RIN2: variants seen among roughly 807,000 people sequenced by gnomAD.
The protein encoded by RIN2 is Ras and Rab interactor 2.
Under a neutral mutation model 78.0 loss-of-function variants are expected in RIN2, and 36 were observed. The observed-to-expected ratio is 0.46, with a 90% CI of 0.35 to 0.61. RIN2 has a LOEUF of 0.61. RIN2 is among the 20% of genes least tolerant of loss of function. The pLI is 0.00. For missense variants in RIN2, 1,087 were observed against 1,159.7 expected (o/e 0.94, Z 0.91); for synonymous variants, 466 against 466.8 (o/e 1.00, Z 0.02).
intron 2 of RIN2, among the ~76,000 whole-genome samples, chr20:19,813,066 A>G (rs2035653558): frequency 6.6e-6 from 1 of 152,210 alleles, no homozygotes; most frequent in South Asian, 2.1e-4. Context: ...GGAAGAACAC[A>G]GGCACTAGTA....
intron 1 of RIN2, among the ~76,000 whole-genome samples, chr20:19,773,409 T>G (rs1218081138): frequency 6.6e-6 from 1 of 152,220 alleles, no homozygotes; most frequent in African/African-American, 2.4e-5. Context: ...GTGTGACCAG[T>G]GCACACAATC....
chr20:19,842,387 CTTTTTTTTTT>C (rs139642869), intron 2 of RIN2, among the ~76,000 whole-genome samples: 625 of 46,202 alleles, frequency 0.014, 11 homozygotes, highest in African/African-American at 0.041. Flanking sequence ...CCATCCCTGG[CTTTTTTTTTT>C]TTTTTTTTTT....
intron 4 of RIN2, among the ~76,000 whole-genome samples, chr20:19,952,669 G>A (rs2041367144): frequency 6.6e-6 from 1 of 152,126 alleles, no homozygotes; most frequent in South Asian, 2.1e-4. Flanking sequence ...GCCCTTCTAG[G>A]GAAGGAAGAT....
chr20:19,897,701 A>G (rs1213050750), intron 3 of RIN2, among the ~76,000 whole-genome samples: 1 of 150,656 alleles, frequency 6.6e-6, no homozygotes, highest in African/African-American at 2.4e-5. Context: ...CTCTCTCTGC[A>G]GGAACTGTTG....
chr20:19,780,309 T>C (rs996509312), intron 1 of RIN2, among the ~76,000 whole-genome samples: 18 of 152,206 alleles, frequency 1.2e-4, no homozygotes, highest in African/African-American at 4.3e-4. Flanking sequence ...CAGCTTCCGA[T>C]AGTGGTCCCG....
At chr20:19,962,229 T>G (rs1452071809) in intron 6 of RIN2, among the ~76,000 whole-genome samples, 12 of 151,040 alleles carry the variant, frequency 7.9e-5, no homozygotes, top group Admixed American at 7.9e-4. Flanking sequence ...TTAAGTGCAG[T>G]GAGCCGTGAT....
At chr20:19,782,589 T>G (rs2034546933) in intron 1 of RIN2, among the ~76,000 whole-genome samples, 1 of 151,972 alleles carries the variant, frequency 6.6e-6, no homozygotes, top group South Asian at 2.1e-4. Flanking sequence ...TATTAAAATG[T>G]TATTATTGAA....
chr20:19,825,994 ATTTTATTTCAT>A (rs749873303), intron 2 of RIN2, among the ~76,000 whole-genome samples: 20 of 152,324 alleles, frequency 1.3e-4, no homozygotes, highest in Non-Finnish European at 2.4e-4. Flanking sequence ...TTTTGTGATA[ATTTTATTTCAT>A]TTTTCAATTC....
chr20:19,943,275 T>A (rs1376116395), intron 4 of RIN2, among the ~76,000 whole-genome samples: 2 of 152,172 alleles, frequency 1.3e-5, no homozygotes. Flanking sequence ...CCAGAGGAAG[T>A]TCCTGGGCAA....
chr20:19,947,522 A>G (rs904863067), intron 4 of RIN2, among the ~76,000 whole-genome samples: 10 of 152,132 alleles, frequency 6.6e-5, no homozygotes, highest in African/African-American at 1.9e-4. Context: ...CAAAAGTAAT[A>G]TGGAACCTGA....
intron 2 of RIN2, among the ~76,000 whole-genome samples, chr20:19,883,358 T>A (rs1404954829): frequency 2.4e-5 from 3 of 123,556 alleles, no homozygotes; most frequent in South Asian, 2.7e-4. Flanking sequence ...TTTTTTTTTT[T>A]AGACCTGGTC....
chr20:19,989,189 A>G (rs566243430), intron 9 of RIN2, among the ~76,000 whole-genome samples: 1 of 152,140 alleles, frequency 6.6e-6, no homozygotes, highest in South Asian at 2.1e-4. Context: ...TGTCCTTTAT[A>G]GCAAATGAAG....
chr20:19,945,946 G>A (rs771331634), intron 4 of RIN2, among the ~76,000 whole-genome samples: 16 of 152,280 alleles, frequency 1.1e-4, no homozygotes, highest in Non-Finnish European at 1.3e-4. Flanking sequence ...AAACAAGAAC[G>A]CTTTGTCTCC....
intron 4 of RIN2, among the ~76,000 whole-genome samples, chr20:19,940,058 C>T (rs1050005153): frequency 4.6e-5 from 7 of 152,064 alleles, no homozygotes; most frequent in Non-Finnish European, 8.8e-5. Flanking sequence ...CATCATGTTG[C>T]CCAGGCTGGT....
chr20:19,887,178 A>G (rs895620286), intron 2 of RIN2, among the ~76,000 whole-genome samples: 5 of 116,776 alleles, frequency 4.3e-5, no homozygotes, highest in Admixed American at 2.0e-4. Flanking sequence ...CACCATGCCC[A>G]TCTATTTTTT....
intron 3 of RIN2, among the ~76,000 whole-genome samples, chr20:19,891,820 C>T (rs773897145): frequency 6.6e-6 from 1 of 152,094 alleles, no homozygotes; most frequent in African/African-American, 2.4e-5. Context: ...CAGAGCAAGA[C>T]TCCATCTAAA....
chr20:19,904,239 AAATATATATATATATATATAT>A lies in RIN2; in HGVS notation c.57+14584_57+14604del, dbSNP rs1338632021. On this transcript the variant is annotated intron_variant, in intron 3 of 12. Transcript: ENST00000255006. ...AGAATGAGACTTCGTCTCAAAAAAAAAATATATATATATATATATATAAAATATATATATATATTTGCTGGA... is the reference window on the plus strand; with the variant it reads ...AGAATGAGACTTCGTCTCAAAAAAAAAAAATATATATATATATTTGCTGGA... Among the ~76,000 whole-genome samples, 98 of 116,224 alleles carry A rather than the reference AAATATATATATATATATATAT, an allele frequency of 8.4e-4. 1 individual carries two copies. Among genetic ancestry groups the A allele is most frequent in the Admixed American group, 3.7e-3 (44 of 12,034 alleles). The allele number at this position is 116,224 out of a possible 152,430, so 76.2% of individuals were successfully genotyped here. A position where few individuals can be genotyped will look rare whatever the true frequency, so the allele number is the denominator to read the frequency against.
At chr20:19,979,485 T>A (rs199581) in intron 9 of RIN2, among the ~76,000 whole-genome samples, 50,900 of 152,132 alleles carry the variant, frequency 0.33, 9,767 homozygotes, top group Non-Finnish European at 0.44. Context: ...GTTTTTTGTT[T>A]GTTAATAGAG....
In RIN2 at chr20:19,947,022, T is replaced by TAAAA. The variant is rs35136029; in HGVS notation, c.159-9579_159-9576dup. On this transcript the variant is annotated intron_variant, in intron 4 of 12. Transcript: ENST00000255006. ...CTCCAGCCTGGGTGTCAGACTGTCT[T>TAAAA]AAAAAAAAAAAAAAAAAGCAAATTC... Among the ~76,000 whole-genome samples the TAAAA allele has an allele frequency of 2.2e-4, 26 of 116,158 alleles. 1 individual carries two copies. Among genetic ancestry groups the TAAAA allele is most frequent in the African/African-American group, 4.5e-4 (14 of 30,978 alleles). 76.2% of individuals were successfully genotyped at this position (116,158 alleles called of 152,430 possible). A position where few individuals can be genotyped will look rare whatever the true frequency, so the allele number is the denominator to read the frequency against.
Sources: allele counts gnomAD v4.1 joint callset (sites outside exome capture counted in the v4.1 genomes callset), GRCh38; gene constraint gnomAD v4.1.1; transcripts MANE v1.5; gene names NCBI Gene and HGNC (gene_info 2026-07-23, HGNC 2026-07-21).